PPP6R3: variants seen among roughly 807,000 people sequenced by gnomAD.
PPP6R3 encodes protein phosphatase 6 regulatory subunit 3.
In PPP6R3, 38 loss-of-function variants were observed where a neutral mutation model predicts 110.7. That is an observed-to-expected ratio of 0.34 (90% confidence interval 0.26 to 0.45). The LOEUF is 0.45. PPP6R3 is among the 20% of genes least tolerant of loss of function. The pLI is 1.00. For synonymous variants in PPP6R3, 369 were observed against 373.5 expected (o/e 0.99, Z 0.14); for missense variants, 870 against 1,062.4 (o/e 0.82, Z 2.52).
chr11:68,603,562 A>C, intron 22 of PPP6R3, 70 bp downstream of exon 22: 1 of 1,577,324 alleles, frequency 6.3e-7, no homozygotes, highest in South Asian at 1.1e-5. Flanking sequence ...AACCTCAAAC[A>C]TTAAAATTTT....
At chr11:68,594,343 A>T (rs1032450380) in intron 18 of PPP6R3, among the ~76,000 whole-genome samples, 9 of 148,312 alleles carry the variant, frequency 6.1e-5, no homozygotes, top group African/African-American at 1.8e-4. Flanking sequence ...AGTGAGAGAG[A>T]GAGTGAGAGA....
intron 2 of PPP6R3, among the ~76,000 whole-genome samples, chr11:68,529,169 A>C (rs2099220891): frequency 6.6e-6 from 1 of 152,140 alleles, no homozygotes; most frequent in African/African-American, 2.4e-5. Context: ...ATTTTGAATT[A>C]GCTTATAAAA....
intron 14 of PPP6R3, among the ~76,000 whole-genome samples, chr11:68,581,678 C>T (rs1207293802): frequency 6.6e-6 from 1 of 152,194 alleles, no homozygotes; most frequent in Admixed American, 6.5e-5. Context: ...AGTATTCCCA[C>T]TCCTCCTCTA....
intron 1 of PPP6R3, among the ~76,000 whole-genome samples, chr11:68,473,563 AAGC>A (rs2098807476): frequency 6.6e-6 from 1 of 152,184 alleles, no homozygotes. Context: ...GTTGCGGGGG[AAGC>A]ACAGGTAAAA....
chr11:68,534,625 T>A (rs1279850542), intron 2 of PPP6R3, among the ~76,000 whole-genome samples: 1 of 152,236 alleles, frequency 6.6e-6, no homozygotes, highest in Admixed American at 6.5e-5. Flanking sequence ...CTCACCTGAT[T>A]GGTGAACGTA....
At chr11:68,609,650 C>T (rs772706653) in intron 22 of PPP6R3, 14 of 1,554,496 alleles carry the variant, frequency 9.0e-6, no homozygotes, top group East Asian at 7.3e-5. Context: ...GTTATGGGAC[C>T]GTTCTTTATC....
At chr11:68,546,473 G>T (rs1010356444) in intron 4 of PPP6R3, among the ~76,000 whole-genome samples, 2 of 152,208 alleles carry the variant, frequency 1.3e-5, no homozygotes, top group African/African-American at 4.8e-5. Context: ...TGAGACAAGA[G>T]CCCTTCGGCC....
At chr11:68,494,682 C>G (rs897860864) in intron 1 of PPP6R3, among the ~76,000 whole-genome samples, 1 of 151,844 alleles carries the variant, frequency 6.6e-6, no homozygotes, top group Non-Finnish European at 1.5e-5. Flanking sequence ...TCTTTGGTTC[C>G]CACTAGGTAT....
chr11:68,600,145 T>C (rs2099627180), intron 19 of PPP6R3, among the ~76,000 whole-genome samples, 196 bp from the exon 20 acceptor site: 4 of 151,998 alleles, frequency 2.6e-5, no homozygotes, highest in Admixed American at 2.6e-4. Flanking sequence ...TAAAAAGAAA[T>C]GGGAGGTTTG....
intron 2 of PPP6R3, among the ~76,000 whole-genome samples, chr11:68,523,299 C>T (rs767370893): frequency 9.2e-5 from 14 of 152,150 alleles, no homozygotes; most frequent in Non-Finnish European, 1.0e-4. Flanking sequence ...TGACCTTCTC[C>T]GTAACTGCTG....
chr11:68,533,643 T>G (rs1326938937), intron 2 of PPP6R3, among the ~76,000 whole-genome samples: 1 of 147,022 alleles, frequency 6.8e-6, no homozygotes, highest in Non-Finnish European at 1.5e-5. Flanking sequence ...AGGCAGAGGT[T>G]GTAGTGAGCC....
intron 9 of PPP6R3, among the ~76,000 whole-genome samples, chr11:68,566,191 G>A (rs187862826): frequency 3.9e-5 from 6 of 152,230 alleles, no homozygotes; most frequent in African/African-American, 1.2e-4. Flanking sequence ...ACTGAGGATT[G>A]TATTCCAAAA....
intron 5 of PPP6R3, among the ~76,000 whole-genome samples, chr11:68,550,638 G>C (rs1462136537): frequency 2.6e-5 from 4 of 152,158 alleles, no homozygotes; most frequent in Non-Finnish European, 4.4e-5. Context: ...TCCTGCAGTG[G>C]GTTTGGTTTT....
At chr11:68,547,534 A>G (rs1218592319) in intron 4 of PPP6R3, among the ~76,000 whole-genome samples, 1 of 152,194 alleles carries the variant, frequency 6.6e-6, no homozygotes, top group Non-Finnish European at 1.5e-5. Flanking sequence ...TTCTTGTGCT[A>G]AGCTATTGGA....
chr11:68,461,154 G>A (rs1336169622), intron 1 of PPP6R3, among the ~76,000 whole-genome samples: 1 of 150,748 alleles, frequency 6.6e-6, no homozygotes, highest in African/African-American at 2.4e-5. Flanking sequence ...CCCTGACCCG[G>A]CTCTGGCTCC....
chr11:68,613,222 C>A lies in PPP6R3; in HGVS notation c.*105C>A. The A allele has an allele frequency of 6.6e-7, 1 of 1,524,972 alleles. No homozygotes were observed. 94.5% of individuals were successfully genotyped at this position (1,524,972 alleles called of 1,614,324 possible). ...CCAAGCTGTCACTGCTGCACTCACTCTGCAAGGGATCAGGACCAGCAACCT... is the reference window on the plus strand; with the variant it reads ...CCAAGCTGTCACTGCTGCACTCACTATGCAAGGGATCAGGACCAGCAACCT... On this transcript the variant is annotated 3_prime_UTR_variant, in exon 24 of 24. Coordinates refer to ENST00000393800, the MANE Select transcript of PPP6R3 (RefSeq NM_001164161.2).
chr11:68,602,103 G>A, intron 21 of PPP6R3, 134 bp downstream of exon 21: 1 of 627,522 alleles, frequency 1.6e-6, no homozygotes, highest in Non-Finnish European at 2.7e-6. Flanking sequence ...GGCAGCTGAT[G>A]AAAGAAATTG....
chr11:68,537,879 A>C lies in PPP6R3; in HGVS notation c.215A>C (p.Lys72Thr). The C allele has an allele frequency of 1.2e-6, 2 of 1,607,800 alleles. No individual in the cohort carries two copies. The highest frequency in any genetic ancestry group is 1.7e-6 in the Non-Finnish European group (2 of 1,174,590). ...IEEPPQDMDE[K>T]IRYKYPNISC... is the part of the protein sequence containing the mutation. The stretch of plus-strand genomic sequence containing the variant: ...GAACCACCTCAAGACATGGATGAAA[A>C]GATCAGATACAAGTAAGACAATTCA... The change falls in exon 3 of 24, where the codon AAG becomes ACG. Residue 72 changes from lysine to threonine, a missense_variant. By Grantham distance (78) the Lys-to-Thr change is moderately conservative (BLOSUM62 -1). Coordinates refer to ENST00000393800, the MANE Select transcript of PPP6R3 (RefSeq NM_001164161.2).
At chr11:68,520,978 G>A (rs1355353273) in intron 2 of PPP6R3, among the ~76,000 whole-genome samples, 1 of 152,082 alleles carries the variant, frequency 6.6e-6, no homozygotes, top group Non-Finnish European at 1.5e-5. Flanking sequence ...CACTATGTCG[G>A]CCAGGCTGGT....
Sources: allele counts gnomAD v4.1 joint callset (sites outside exome capture counted in the v4.1 genomes callset), GRCh38; gene constraint gnomAD v4.1.1; transcripts MANE v1.5; gene names NCBI Gene and HGNC (gene_info 2026-07-23, HGNC 2026-07-21).